The following IFT56 variants were observed in gnomAD, a reference collection of about 807,000 sequenced individuals.
The protein encoded by IFT56 is intraflagellar transport 56.
chr7:139,152,065 A>G, the IFT56 span, among the ~76,000 whole-genome samples: 1 of 152,196 alleles, frequency 6.6e-6, no homozygotes, highest in East Asian at 1.9e-4. Flanking sequence ...CCATCTCAAA[A>G]AGAAAAAAAG....
At chr7:139,191,001 T>A in the IFT56 span, 8 of 152,022 alleles carry the variant, frequency 5.3e-5, no homozygotes, top group African/African-American at 1.9e-4. Flanking sequence ...GATGAAGGAG[T>A]TGTATAGAAA....
chr7:139,175,024 A>AAAAG, the IFT56 span, among the ~76,000 whole-genome samples: 2 of 134,444 alleles, frequency 1.5e-5, no homozygotes, highest in Admixed American at 7.4e-5. Flanking sequence ...CCCGTCTCAA[A>AAAAG]AAAGAAAGAA....
At chr7:139,186,508 A>C in the IFT56 span, among the ~76,000 whole-genome samples, 1 of 152,238 alleles carries the variant, frequency 6.6e-6, no homozygotes, top group East Asian at 1.9e-4. Context: ...AACATGTTCT[A>C]TGAGGCCAAG....
the IFT56 span, among the ~76,000 whole-genome samples, chr7:139,166,221 G>A: frequency 0.13 from 20,344 of 152,180 alleles, 2,632 homozygotes; most frequent in African/African-American, 0.29. Flanking sequence ...GCTTCCCAAA[G>A]TGCTGAGATT....
the IFT56 span, chr7:139,142,326 C>T: frequency 1.2e-6 from 2 of 1,604,676 alleles, no homozygotes; most frequent in African/African-American, 2.7e-5. Flanking sequence ...TCTCATTTCA[C>T]ATTTTTTTGT....
chr7:139,149,901 C>G, the IFT56 span, among the ~76,000 whole-genome samples: 1 of 151,730 alleles, frequency 6.6e-6, no homozygotes, highest in Admixed American at 6.6e-5. Flanking sequence ...CACATATATA[C>G]ATATATAATA....
the IFT56 span, among the ~76,000 whole-genome samples, chr7:139,165,603 G>A: frequency 6.6e-6 from 1 of 151,834 alleles, no homozygotes; most frequent in South Asian, 2.1e-4. Flanking sequence ...TTTGAAAAAA[G>A]TATTAACTGT....
the IFT56 span, among the ~76,000 whole-genome samples, chr7:139,150,818 T>A: frequency 6.6e-6 from 1 of 152,224 alleles, no homozygotes; most frequent in Non-Finnish European, 1.5e-5. Context: ...TTGAGTAACT[T>A]GTTCAGGCTT....
chr7:139,141,038 A>G, the IFT56 span, among the ~76,000 whole-genome samples: 1 of 150,326 alleles, frequency 6.7e-6, no homozygotes, highest in Non-Finnish European at 1.5e-5. Context: ...AGGTGGGCGG[A>G]TCACGAGGTC....
the IFT56 span, among the ~76,000 whole-genome samples, chr7:139,143,717 T>C: frequency 1.3e-5 from 2 of 152,150 alleles, no homozygotes; most frequent in South Asian, 2.1e-4. Flanking sequence ...CATCCTGTTA[T>C]TAGTTCTCTA....
the IFT56 span, among the ~76,000 whole-genome samples, chr7:139,150,222 T>C: frequency 6.6e-6 from 1 of 152,226 alleles, no homozygotes; most frequent in East Asian, 1.9e-4. Context: ...CTAATTGGCT[T>C]GTTTCCAGCA....
the IFT56 span, chr7:139,191,598 A>G: frequency 4.6e-5 from 7 of 152,370 alleles, no homozygotes; most frequent in East Asian, 1.3e-3. Flanking sequence ...AAAAAAGCAG[A>G]TATTCCAAAA....
At chr7:139,181,099 G>C in the IFT56 span, 3 of 1,601,484 alleles carry the variant, frequency 1.9e-6, no homozygotes, top group Non-Finnish European at 1.7e-6. Flanking sequence ...CAGATATTAT[G>C]AATAAGAAAC....
chr7:139,137,832 A>T, the IFT56 span: 1 of 1,606,004 alleles, frequency 6.2e-7, no homozygotes, highest in Non-Finnish European at 8.5e-7. Context: ...TTTTAAATAC[A>T]TTTTTAACCT....
the IFT56 span, chr7:139,168,582 CA>C: frequency 1.4e-3 from 522 of 370,668 alleles, no homozygotes; most frequent in Middle Eastern, 2.5e-3. Flanking sequence ...AAAAAAAAAA[CA>C]AAAAAAAAAC....
the IFT56 span, among the ~76,000 whole-genome samples, chr7:139,184,717 A>G: frequency 6.6e-6 from 1 of 152,138 alleles, no homozygotes; most frequent in Non-Finnish European, 1.5e-5. Flanking sequence ...AAGGCCAGCC[A>G]GGGCAACATA....
the IFT56 span, chr7:139,173,968 C>G: frequency 4.5e-5 from 30 of 666,334 alleles, no homozygotes; most frequent in African/African-American, 3.4e-4. Flanking sequence ...TTGCTGCTGC[C>G]AGAGGAACTG....
the IFT56 span, among the ~76,000 whole-genome samples, chr7:139,141,467 G>T: frequency 5.3e-3 from 804 of 152,090 alleles, 9 homozygotes; most frequent in African/African-American, 0.019. Flanking sequence ...TATTTCATAG[G>T]TACTAATGTA....
the IFT56 span, chr7:139,139,915 A>G: frequency 1.9e-6 from 3 of 1,612,440 alleles, no homozygotes; most frequent in South Asian, 2.2e-5. Context: ...ACAAAAGAGG[A>G]AAATTGTAAT....
Sources: allele counts gnomAD v4.1 joint callset (sites outside exome capture counted in the v4.1 genomes callset), GRCh38; gene constraint gnomAD v4.1.1; transcripts MANE v1.5; gene names NCBI Gene and HGNC (gene_info 2026-07-23, HGNC 2026-07-21).